CCDC7: variants seen among roughly 807,000 people sequenced by gnomAD.
The protein encoded by CCDC7 is coiled-coil domain-containing protein 7.
A neutral mutation model predicts 196.9 loss-of-function variants in CCDC7; 183 were observed. That is an observed-to-expected ratio of 0.93 (90% CI 0.82 to 1.05). The LOEUF is 1.05. Among genes scored for constraint, CCDC7 ranks in the 50% least tolerant of loss-of-function variants. The pLI is 0.00. For synonymous variants in CCDC7, 525 were observed against 484.6 expected (o/e 1.08, Z -1.10); for missense variants, 1,540 against 1,482.2 (o/e 1.04, Z -0.64).
At chr10:32,500,845 G>C (rs1448464349) in intron 9 of CCDC7, among the ~76,000 whole-genome samples, 1 of 152,214 alleles carries the variant, frequency 6.6e-6, no homozygotes, top group Non-Finnish European at 1.5e-5. Context: ...AGGAGCTGGA[G>C]ACCAGCCCGG....
intron 20 of CCDC7, among the ~76,000 whole-genome samples, chr10:32,637,172 T>C (rs927627761): frequency 6.1e-4 from 93 of 152,320 alleles, no homozygotes; most frequent in African/African-American, 2.1e-3. Context: ...TCTCCCATTC[T>C]GTAGGCTGCC....
chr10:32,463,264 C>T (rs966067741), intron 5 of CCDC7, among the ~76,000 whole-genome samples: 1 of 151,952 alleles, frequency 6.6e-6, no homozygotes, highest in South Asian at 2.1e-4. Flanking sequence ...CTGGTATACT[C>T]CAAGTTTGAC....
chr10:32,756,956 T>C (rs1423981670), intron 28 of CCDC7, among the ~76,000 whole-genome samples: 3 of 152,208 alleles, frequency 2.0e-5, no homozygotes, highest in African/African-American at 7.2e-5. Context: ...GCAATCCTAG[T>C]CTCTGATAAA....
intron 11 of CCDC7, among the ~76,000 whole-genome samples, chr10:32,535,626 G>GGC (rs1304603313): frequency 6.6e-6 from 1 of 152,082 alleles, no homozygotes; most frequent in Non-Finnish European, 1.5e-5. Flanking sequence ...AAAGAGAAGG[G>GGC]GCTTGGAGAC....
intron 29 of CCDC7, among the ~76,000 whole-genome samples, chr10:32,800,450 G>A (rs2084549035): frequency 6.6e-6 from 1 of 152,114 alleles, no homozygotes; most frequent in South Asian, 2.1e-4. Context: ...ACCCACTGGA[G>A]CCACTCTATG....
rs554026892 is a variant in CCDC7 at position 32,568,326 on chromosome 10, G to A, written c.1419+435G>A. ...GGCCTTTGGATTTGTTTTTACTTTT[G>A]CCCTTTACCTTCTGTATATGTCAAC... On this transcript the variant is annotated intron_variant, in intron 15 of 41. Coordinates refer to ENST00000639629, the Ensembl canonical transcript of CCDC7. Among the ~76,000 whole-genome samples the A allele has an allele frequency of 8.5e-5, 13 of 152,048 alleles. No individual in the cohort carries two copies. In the South Asian group the frequency reaches 2.7e-3, roughly 32 times the overall value.
chr10:32,661,899 C>A (rs1192173764), intron 20 of CCDC7, among the ~76,000 whole-genome samples: 2 of 152,066 alleles, frequency 1.3e-5, no homozygotes, highest in African/African-American at 4.8e-5. Flanking sequence ...GTAGATGCCC[C>A]CTAAGTCCAC....
chr10:32,642,436 G>C (rs963693219), intron 20 of CCDC7, among the ~76,000 whole-genome samples: 1 of 152,240 alleles, frequency 6.6e-6, no homozygotes, highest in African/African-American at 2.4e-5. Flanking sequence ...CGTGGGCGTA[G>C]GACCCTCCGA....
intron 29 of CCDC7, among the ~76,000 whole-genome samples, chr10:32,803,758 ACTTGTT>A (rs2085274964): frequency 6.6e-6 from 1 of 151,902 alleles, no homozygotes; most frequent in Non-Finnish European, 1.5e-5. Flanking sequence ...ATAGATAAGA[ACTTGTT>A]CTTGTCATTT....
chr10:32,602,163 G>A (rs2061108854), intron 18 of CCDC7, among the ~76,000 whole-genome samples: 1 of 151,990 alleles, frequency 6.6e-6, no homozygotes. Flanking sequence ...CAAACCCACT[G>A]GAAGGAACAA....
intron 34 of CCDC7, 96 bp downstream of exon 35, chr10:32,845,422 T>G (rs2093227022): frequency 8.3e-7 from 1 of 1,203,048 alleles, no homozygotes; most frequent in East Asian, 2.5e-5. Flanking sequence ...ACTACCTATA[T>G]TATAGTGTTA....
chr10:32,830,121 G>GATATATAT lies in CCDC7; in HGVS notation c.3269-4681_3269-4674dup. Among the ~76,000 whole-genome samples, 38 of 50,644 alleles carry GATATATAT rather than the reference G, an allele frequency of 7.5e-4. 6 individuals are homozygous for GATATATAT. In the South Asian group the frequency reaches 8.5e-3, roughly 11 times the overall value. The allele number at this position is 50,644 out of a possible 152,430, so 33.2% of individuals were successfully genotyped here. A position where few individuals can be genotyped will look rare whatever the true frequency, so the allele number is the denominator to read the frequency against. The stretch of plus-strand genomic sequence containing the variant: ...TCCTATTAGTTCTTATATATATAAG[G>GATATATAT]ATATATATATATATATATATCCTAT... On this transcript the variant is annotated intron_variant, in intron 32 of 41. Transcript: ENST00000639629.
At chr10:32,571,835 A>G (rs2057602518) in intron 15 of CCDC7, 24 bp from the exon 17 acceptor site, 1 of 1,525,562 alleles carries the variant, frequency 6.6e-7, no homozygotes, top group Non-Finnish European at 8.8e-7. Context: ...GATATTTTTA[A>G]ATGTAGTATT....
intron 8 of CCDC7, among the ~76,000 whole-genome samples, chr10:32,483,277 T>G (rs12253466): frequency 0.11 from 17,315 of 152,256 alleles, 1,182 homozygotes; most frequent in South Asian, 0.27. Flanking sequence ...TCATGTGTCT[T>G]TTGGCTGCAT....
chr10:32,712,823 T>G (rs11594510), intron 25 of CCDC7, among the ~76,000 whole-genome samples: 5 of 152,176 alleles, frequency 3.3e-5, no homozygotes, highest in African/African-American at 9.7e-5. Context: ...GTAGCACTTA[T>G]GCTTTTTAGA....
chr10:32,608,784 T>C (rs1590520146), intron 18 of CCDC7, among the ~76,000 whole-genome samples: 1 of 152,216 alleles, frequency 6.6e-6, no homozygotes, highest in South Asian at 2.1e-4. Context: ...CAAGTGATCC[T>C]CCCGCCTCAA....
chr10:32,784,835 C>G lies in CCDC7; in HGVS notation c.3013+5751C>G, dbSNP rs149273248. On this transcript the variant is annotated intron_variant, in intron 29 of 41. Transcript: ENST00000639629. ...TGGCCCACATGGTGAAGCCCCATCTCTACCAAAAGTACAAAATTTAGCTGG... is the reference window on the plus strand; with the variant it reads ...TGGCCCACATGGTGAAGCCCCATCTGTACCAAAAGTACAAAATTTAGCTGG... Among the ~76,000 whole-genome samples the G allele has an allele frequency of 1.6e-3, 240 of 152,152 alleles. 2 individuals carry two copies. The highest frequency in any genetic ancestry group is 4.3e-3 in the African/African-American group (177 of 41,538).
At chr10:32,878,774 A>G (rs1218499504), downstream of CCDC7, among the ~76,000 whole-genome samples, 2 of 152,138 alleles carry the variant, frequency 1.3e-5, no homozygotes, top group Non-Finnish European at 2.9e-5. Flanking sequence ...AAACTGAATG[A>G]CAACAGGGAG....
At chr10:32,561,839 T>G (rs1283945633) in intron 13 of CCDC7, among the ~76,000 whole-genome samples, 1 of 151,960 alleles carries the variant, frequency 6.6e-6, no homozygotes, top group African/African-American at 2.4e-5. Flanking sequence ...AAAAAACCCT[T>G]CAAAAAATTA....
Sources: allele counts gnomAD v4.1 joint callset (sites outside exome capture counted in the v4.1 genomes callset), GRCh38; gene constraint gnomAD v4.1.1; transcripts MANE v1.5; gene names NCBI Gene and HGNC (gene_info 2026-07-23, HGNC 2026-07-21).